Variants in DENND1A observed in about 807,000 individuals in gnomAD.
The protein encoded by DENND1A is DENN domain-containing protein 1A.
A neutral mutation model predicts 113.7 loss-of-function variants in DENND1A; 51 were observed. The observed-to-expected ratio is 0.45, with a 90% CI of 0.36 to 0.57. The LOEUF is 0.57. DENND1A is among the 20% of genes least tolerant of loss of function. DENND1A has a pLI of 0.00. For synonymous variants in DENND1A, 565 were observed against 570.8 expected (o/e 0.99, Z 0.14); for missense variants, 1,258 against 1,395.9 (o/e 0.90, Z 1.57).
At chr9:123,588,768 A>AT (rs1249188721) in intron 11 of DENND1A, among the ~76,000 whole-genome samples, 6,747 of 133,454 alleles carry the variant, frequency 0.051, 201 homozygotes, top group South Asian at 0.086. Flanking sequence ...AAATAATTCT[A>AT]TTTTGTTTTT....
chr9:123,855,109 A>T (rs1003798344), intron 2 of DENND1A, among the ~76,000 whole-genome samples: 1 of 151,328 alleles, frequency 6.6e-6, no homozygotes, highest in Non-Finnish European at 1.5e-5. Context: ...TGATACTAAC[A>T]TTGCCTTGCT....
chr9:123,787,333 G>C (rs760289876), intron 3 of DENND1A, among the ~76,000 whole-genome samples: 2 of 152,084 alleles, frequency 1.3e-5, no homozygotes, highest in Non-Finnish European at 2.9e-5. Context: ...CAATGAATCA[G>C]GGCATGAGTA....
chr9:123,505,172 T>C (rs918078617), intron 13 of DENND1A, among the ~76,000 whole-genome samples: 3 of 152,238 alleles, frequency 2.0e-5, no homozygotes, highest in Admixed American at 2.0e-4. Context: ...AGATATTCTA[T>C]ATGGACAGAT....
intron 5 of DENND1A, among the ~76,000 whole-genome samples, chr9:123,701,009 C>T (rs1199328657): frequency 6.6e-6 from 1 of 152,128 alleles, no homozygotes; most frequent in African/African-American, 2.4e-5. Context: ...ATTTTAATAC[C>T]AATTTCCTTA....
chr9:123,551,025 AGCCTGG>A (rs2057011546), intron 13 of DENND1A, among the ~76,000 whole-genome samples: 2 of 152,318 alleles, frequency 1.3e-5, no homozygotes, highest in South Asian at 4.1e-4. Context: ...AATGAGCTGG[AGCCTGG>A]GCTGCCGCTT....
intron 7 of DENND1A, among the ~76,000 whole-genome samples, chr9:123,670,029 A>G (rs1017072118): frequency 2.6e-5 from 4 of 152,222 alleles, no homozygotes; most frequent in Admixed American, 2.6e-4. Flanking sequence ...CTCATCCATG[A>G]AATGGGAATG....
intron 23 of DENND1A, 136 bp downstream of exon 23, chr9:123,383,519 T>C (rs2042393674): frequency 2.9e-6 from 4 of 1,375,158 alleles, no homozygotes; most frequent in Admixed American, 2.1e-5. Context: ...ACAGTCACAC[T>C]GACCCTGAGC....
In DENND1A at chr9:123,601,617, C is replaced by T. The variant is rs17214614; in HGVS notation, c.765+7819G>A. Among the ~76,000 whole-genome samples, 955 of 152,316 alleles carry T rather than the reference C, an allele frequency of 6.3e-3. 5 individuals are homozygous for T. Among genetic ancestry groups the T allele is most frequent in the Non-Finnish European group, 0.011 (729 of 68,018 alleles). ...CTTTTTCTTTACAAAATAAAGCAAT[C>T]TCCACCCAGGGTTTCACTGATATAA... On this transcript the variant is annotated intron_variant, in intron 11 of 23. Coordinates refer to ENST00000394215, the MANE Select transcript of DENND1A (RefSeq NM_001352964.2).
chr9:123,880,957 A>C (rs1588064751), intron 1 of DENND1A, among the ~76,000 whole-genome samples: 1 of 152,272 alleles, frequency 6.6e-6, no homozygotes, highest in Admixed American at 6.5e-5. Context: ...TACTCCCTCT[A>C]CTTCCTTAGG....
chr9:123,615,285 A>G (rs568024981), intron 10 of DENND1A, among the ~76,000 whole-genome samples: 11 of 152,342 alleles, frequency 7.2e-5, no homozygotes, highest in East Asian at 3.9e-4. Flanking sequence ...TAAGATTGGA[A>G]AAGCTAAATC....
chr9:123,883,477 T>G (rs1848592438), intron 1 of DENND1A, among the ~76,000 whole-genome samples: 1 of 152,176 alleles, frequency 6.6e-6, no homozygotes, highest in East Asian at 1.9e-4. Flanking sequence ...ACTAAAAGAT[T>G]TCAGTTCCCA....
chr9:123,804,493 G>A (rs1248626339), intron 2 of DENND1A, among the ~76,000 whole-genome samples: 2 of 152,292 alleles, frequency 1.3e-5, no homozygotes, highest in South Asian at 4.1e-4. Context: ...CCAGAACTCA[G>A]TCCTTGGACT....
At chr9:123,870,928 C>T (rs917600406) in intron 2 of DENND1A, among the ~76,000 whole-genome samples, 2 of 152,056 alleles carry the variant, frequency 1.3e-5, no homozygotes, top group Non-Finnish European at 2.9e-5. Context: ...TATTGCCATT[C>T]TTCAAGCTTG....
chr9:123,487,493 C>T (rs750773168), intron 13 of DENND1A, among the ~76,000 whole-genome samples: 16 of 152,306 alleles, frequency 1.1e-4, no homozygotes, highest in African/African-American at 2.6e-4. Context: ...AGCAAAGATA[C>T]GGCAGAACCT....
chr9:123,717,451 A>C (rs575003509), intron 5 of DENND1A, among the ~76,000 whole-genome samples: 1 of 152,242 alleles, frequency 6.6e-6, no homozygotes, highest in Non-Finnish European at 1.5e-5. Context: ...AGGCAACTGT[A>C]CAAGATTACA....
chr9:123,678,958 G>A (rs1236680442), intron 5 of DENND1A, among the ~76,000 whole-genome samples: 1 of 152,040 alleles, frequency 6.6e-6, no homozygotes, highest in Non-Finnish European at 1.5e-5. Context: ...TAGTATGAAC[G>A]AGAAATCCCC....
At chr9:123,552,875 T>G (rs1452778884) in intron 13 of DENND1A, among the ~76,000 whole-genome samples, 1 of 152,246 alleles carries the variant, frequency 6.6e-6, no homozygotes, top group Non-Finnish European at 1.5e-5. Context: ...GGAATCCGCC[T>G]AAGAAAATAA....
chr9:123,755,422 G>A (rs2070450355), intron 5 of DENND1A, among the ~76,000 whole-genome samples: 1 of 151,826 alleles, frequency 6.6e-6, no homozygotes, highest in Non-Finnish European at 1.5e-5. Context: ...AGGATTACAG[G>A]AGTGAGCCCA....
At chr9:123,677,938 C>T (rs1443833600) in intron 5 of DENND1A, among the ~76,000 whole-genome samples, 1 of 152,160 alleles carries the variant, frequency 6.6e-6, no homozygotes, top group South Asian at 2.1e-4. Context: ...CACTCCGGAA[C>T]GTCCTGGTAT....
Sources: allele counts gnomAD v4.1 joint callset (sites outside exome capture counted in the v4.1 genomes callset), GRCh38; gene constraint gnomAD v4.1.1; transcripts MANE v1.5; gene names NCBI Gene and HGNC (gene_info 2026-07-23, HGNC 2026-07-21).